TRIM38: variants seen among roughly 807,000 people sequenced by gnomAD.
TRIM38 encodes E3 ubiquitin-protein ligase TRIM38.
In TRIM38, 35 loss-of-function variants were observed where a neutral mutation model predicts 35.8. The observed-to-expected ratio is 0.98, with a 90% CI of 0.75 to 1.30. TRIM38 has a LOEUF of 1.30. TRIM38 is among the 50% of genes most tolerant of loss of function. TRIM38 has a pLI of 0.00. For missense variants in TRIM38, 545 were observed against 556.9 expected (o/e 0.98, Z 0.21); for synonymous variants, 198 against 204.7 (o/e 0.97, Z 0.28).
At chr6:25,975,729 C>T (rs1262958912) in intron 7 of TRIM38, 3 of 960,592 alleles carry the variant, frequency 3.1e-6, no homozygotes, top group East Asian at 1.2e-4. Context: ...CATATATACA[C>T]TGTCTCTTCT....
rs1192912665 is a variant in TRIM38, at chr6:25,973,108, G to A, written c.761+32G>A. 4 of 1,613,894 alleles carry A rather than the reference G, an allele frequency of 2.5e-6. No individual in the cohort carries two copies. In the South Asian group the frequency reaches 4.4e-5, roughly 18 times the overall value. On this transcript the variant is annotated intron_variant, in intron 6 of 7. Coordinates refer to ENST00000357085, the MANE Select transcript of TRIM38 (RefSeq NM_006355.5). ...CCTGTTTGAATGCAGGAGGGGAGGG[G>A]TGTGCGTATATAGAAATGAATGGAA...
intron 7 of TRIM38, 97 bp downstream of exon 7, chr6:25,973,382 G>A: frequency 1.3e-6 from 2 of 1,509,514 alleles, no homozygotes; most frequent in South Asian, 1.3e-5. Context: ...CACAGCCAGA[G>A]AGGTTGTTTA....
chr6:25,969,975 T>G (rs1474268996), intron 4 of TRIM38, among the ~76,000 whole-genome samples: 1 of 152,158 alleles, frequency 6.6e-6, no homozygotes, highest in African/African-American at 2.4e-5. Context: ...TGGAGTGTAG[T>G]GGTGCGATCT....
At position 25,966,659 on chromosome 6, in the gene TRIM38, A is replaced by T. The variant is rs1581596874; in HGVS notation, c.137A>T (p.Asn46Ile). The T allele has an allele frequency of 6.2e-7, 1 of 1,613,886 alleles. No homozygotes were observed. The highest frequency in any genetic ancestry group is 8.5e-7 in the Non-Finnish European group (1 of 1,179,974). Residue 46 changes from asparagine to isoleucine, a missense_variant, in exon 3 of 8, where the codon AAC (asparagine) becomes ATC (isoleucine). Coordinates refer to ENST00000357085, the MANE Select transcript of TRIM38 (RefSeq NM_006355.5). ...TTGTGTATAACAGACTTCTTTAAAA[A>T]CCCAAGCCAAAAGCAACTGAGGCAG... ...CHLCITDFFK[N>I]PSQKQLRQET...
Position 25,966,385 on chromosome 6 carries a change from C to T in TRIM38, c.-138C>T. 3.4e-6 allele frequency: 3 copies of T among 878,858 alleles called. No homozygotes were observed. The highest frequency in any genetic ancestry group is 5.0e-6 in the Non-Finnish European group (3 of 602,286). The allele number at this position is 878,858 out of a possible 1,614,324, so 54.4% of individuals were successfully genotyped here. Reference sequence around the variant, plus strand: ...AGATAATAGGGGTTGGAAGGAAAACCTTCAAGACCTATGGAAGTCAGTTGC... The same window carrying T: ...AGATAATAGGGGTTGGAAGGAAAACTTTCAAGACCTATGGAAGTCAGTTGC... On this transcript the variant is annotated 5_prime_UTR_variant, in exon 3 of 8. Coordinates refer to ENST00000357085, the MANE Select transcript of TRIM38 (RefSeq NM_006355.5).
chr6:25,965,040 T>C (rs1759977863), intron 2 of TRIM38, among the ~76,000 whole-genome samples: 1 of 152,208 alleles, frequency 6.6e-6, no homozygotes, highest in Admixed American at 6.5e-5. Flanking sequence ...CTCAAACTCC[T>C]GACCTCAGGT....
At chr6:25,975,612 A>G in intron 7 of TRIM38, 1 of 982,710 alleles carries the variant, frequency 1.0e-6, no homozygotes, top group Non-Finnish European at 1.2e-6. Flanking sequence ...TCAGTCAAAC[A>G]ATATAAAGGA....
intron 5 of TRIM38, 92 bp from the exon 6 acceptor site, chr6:25,972,962 T>C (rs1277313853): frequency 6.5e-7 from 1 of 1,533,814 alleles, no homozygotes; most frequent in Non-Finnish European, 9.0e-7. Context: ...TCTTTACTTC[T>C]TCGGGTAAAG....
intron 5 of TRIM38, 136 bp from the exon 6 acceptor site, chr6:25,972,918 C>T: frequency 1.9e-6 from 2 of 1,061,834 alleles, no homozygotes; most frequent in South Asian, 3.1e-5. Flanking sequence ...GTTTGAGTAT[C>T]CATCAATATC....
rs1202728965 is a variant in TRIM38, at chr6:25,969,417, G to A, written c.504G>A (p.Trp168Ter). Residue 168 changes from tryptophan to a stop codon, truncating the protein, a stop_gained, in exon 4 of 8, where the codon TGG (tryptophan) becomes TGA (stop). Transcript: ENST00000357085. LOFTEE classifies it high-confidence loss of function. ...KLSTAMRITK[W>*]KEKVQIQRQK... The stretch of plus-strand genomic sequence containing the variant: ...CCACAGCAATGCGAATAACTAAATG[G>A]AAAGTAAGAATCTGACTTCATTGAT... The A allele has an allele frequency of 2.5e-6, 4 of 1,605,626 alleles. No homozygotes were observed. The highest frequency in any genetic ancestry group is 1.1e-5 in the South Asian group (1 of 88,996).
In TRIM38 at chr6:25,991,034, T is replaced by G. The variant is rs930337531; in HGVS notation, c.*7347T>G. On this transcript the variant is annotated 3_prime_UTR_variant, in exon 8 of 8. Transcript: ENST00000357085. ...GGCATCGGGTGTCCCCATCCTCACT[T>G]CAGTCCACAGGCAGGGTCCTCAGTC... 1 of 152,264 alleles carries G rather than the reference T, an allele frequency of 6.6e-6. No homozygotes were observed. Among genetic ancestry groups the G allele is most frequent in the Non-Finnish European group, 1.5e-5 (1 of 68,082 alleles). 9.4% of individuals were successfully genotyped at this position (152,264 alleles called of 1,614,324 possible). A position where few individuals can be genotyped will look rare whatever the true frequency, so the allele number is the denominator to read the frequency against.
intron 7 of TRIM38, among the ~76,000 whole-genome samples, chr6:25,978,716 G>C (rs867727913): frequency 6.6e-6 from 1 of 152,044 alleles, no homozygotes; most frequent in Admixed American, 6.6e-5. Context: ...ACCCAGGCTG[G>C]AGTGCACTGG....
chr6:25,971,804 T>C (rs1760238866), intron 4 of TRIM38, 65 bp from the exon 5 acceptor site: 3 of 1,354,124 alleles, frequency 2.2e-6, no homozygotes, highest in Non-Finnish European at 2.1e-6. Flanking sequence ...TTCTTGTTTA[T>C]CCATTCATCC....
intron 2 of TRIM38, among the ~76,000 whole-genome samples, chr6:25,966,105 C>T (rs1760030061): frequency 6.6e-6 from 1 of 152,146 alleles, no homozygotes; most frequent in South Asian, 2.1e-4. Flanking sequence ...CTATTACCTA[C>T]ATATTCCCGA....
chr6:25,963,829 C>T (rs1160964280), intron 2 of TRIM38, among the ~76,000 whole-genome samples: 2 of 152,184 alleles, frequency 1.3e-5, no homozygotes. Context: ...GGAAGTCCCA[C>T]TTAGGCACCC....
intron 4 of TRIM38, 30 bp from the exon 5 acceptor site, chr6:25,971,839 C>T (rs770807000): frequency 3.8e-6 from 6 of 1,587,742 alleles, no homozygotes; most frequent in Non-Finnish European, 5.2e-6. Flanking sequence ...GGTTTACTTC[C>T]ACCTTTTGAC....
At chr6:25,974,917 GA>G in intron 7 of TRIM38, 1 of 985,368 alleles carries the variant, frequency 1.0e-6, no homozygotes, top group Non-Finnish European at 1.2e-6. Context: ...CAGGAAGGAA[GA>G]ACAAGACTTT....
intron 2 of TRIM38, among the ~76,000 whole-genome samples, chr6:25,965,759 AAT>A (rs1033374119): frequency 3.3e-5 from 5 of 151,834 alleles, no homozygotes; most frequent in African/African-American, 7.3e-5. Flanking sequence ...CTCTACTAAA[AAT>A]ACAAAAATTA....
intron 5 of TRIM38, 72 bp downstream of exon 5, chr6:25,972,171 A>G (rs1760257128): frequency 1.5e-6 from 2 of 1,360,756 alleles, no homozygotes; most frequent in East Asian, 4.8e-5. Flanking sequence ...GTAAGGAAGC[A>G]TGGGAAGATA....
Sources: gnomAD v4.1 joint callset for allele counts (sites outside exome capture counted in the v4.1 genomes callset) on GRCh38, gnomAD v4.1.1 for gene constraint, MANE v1.5 for transcripts, NCBI Gene and HGNC (gene_info 2026-07-23, HGNC 2026-07-21) for gene names.